The following NUP188 variants were observed in gnomAD, a reference collection of about 807,000 sequenced individuals.
NUP188 encodes nucleoporin 188.
In NUP188, 97 loss-of-function variants were observed where a neutral mutation model predicts 223.0. The ratio of observed to expected loss-of-function variants is 0.43; its 90% CI spans 0.37 to 0.51. The LOEUF (loss-of-function observed/expected upper bound fraction) is 0.51. Among genes scored for constraint, NUP188 ranks in the 20% least tolerant of loss-of-function variants. The pLI is 0.00. For missense variants in NUP188, 1,947 were observed against 2,175.6 expected (o/e 0.89, Z 2.09); for synonymous variants, 869 against 828.0 (o/e 1.05, Z -0.85).
chr9:128,993,707 C>A lies in NUP188; in HGVS notation c.3017+13C>A. 1 of 1,612,918 alleles carries A rather than the reference C, an allele frequency of 6.2e-7. No homozygotes were observed. Among genetic ancestry groups the A allele is most frequent in the Non-Finnish European group, 8.5e-7 (1 of 1,179,360 alleles). On this transcript the variant is annotated intron_variant, in intron 27 of 43. Transcript: ENST00000372577. Reference sequence around the variant, plus strand: ...TCCTCCGAACCAAGTAAGTCTGCCTCTGGGAGTAGTTTCATTGTTCTGGTC... The same window carrying A: ...TCCTCCGAACCAAGTAAGTCTGCCTATGGGAGTAGTTTCATTGTTCTGGTC...
chr9:128,969,515 G>GAATAGCCTTATT lies in NUP188; in HGVS notation c.912+1_912+2insAATAGCCTTATT. 1 of 1,523,636 alleles carries GAATAGCCTTATT rather than the reference G, an allele frequency of 6.6e-7. No individual in the cohort carries two copies. The highest frequency in any genetic ancestry group is 1.3e-5 in the South Asian group (1 of 79,968). The allele number at this position is 1,523,636 out of a possible 1,614,324, so 94.4% of individuals were successfully genotyped here. A position where few individuals can be genotyped will look rare whatever the true frequency, so the allele number is the denominator to read the frequency against. On this transcript the variant is annotated splice_donor_variant, in intron 10 of 43. Transcript: ENST00000372577. LOFTEE classifies it high-confidence loss of function. ...TGCGCAGGATGGGCTTATTTGTCAG[G>GAATAGCCTTATT]TGACTTGGAATAGCCTCTTTTTTTT...
Position 128,980,698 on chromosome 9 carries a change from G to A in NUP188, c.1362G>A (p.Leu454=). The part of the protein sequence containing the change: ...LSPLLQLLRA[L]VSGKSTAKKV... ...CACTCCTGCAACTGCTCCGAGCCCT[G>A]GTATCAGGGAAGTCCACAGCCAAAA... Residue 454 remains leucine (L), a synonymous_variant, in exon 14 of 44, where the codon CTG becomes CTA. Coordinates refer to ENST00000372577, the MANE Select transcript of NUP188 (RefSeq NM_015354.3). 2 of 1,614,036 alleles carry A rather than the reference G, an allele frequency of 1.2e-6. No individual in the cohort carries two copies. The highest frequency in any genetic ancestry group is 1.6e-4 in the Middle Eastern group (1 of 6,062).
chr9:128,985,487 A>C (rs1842320564), intron 20 of NUP188, among the ~76,000 whole-genome samples: 1 of 152,184 alleles, frequency 6.6e-6, no homozygotes, highest in Non-Finnish European at 1.5e-5. Flanking sequence ...TAATCTACTA[A>C]TGGGTTACAA....
At chr9:128,950,326 A>G (rs958333876) in intron 2 of NUP188, among the ~76,000 whole-genome samples, 4 of 151,720 alleles carry the variant, frequency 2.6e-5, no homozygotes, top group African/African-American at 9.7e-5. Flanking sequence ...GGTTCAAGTG[A>G]TTCCTGCCTT....
intron 1 of NUP188, 147 bp from the exon 2 acceptor site, chr9:128,949,042 T>C: frequency 3.4e-6 from 2 of 595,858 alleles, no homozygotes; most frequent in Non-Finnish European, 6.1e-6. Context: ...TATTATTATA[T>C]AACAAGATTA....
chr9:128,968,850 C>G (rs1306646249), intron 9 of NUP188, 133 bp downstream of exon 9: 2 of 663,358 alleles, frequency 3.0e-6, no homozygotes, highest in African/African-American at 1.8e-5. Context: ...GCCACGTTCC[C>G]TTTCATGCAG....
At chr9:128,992,111 G>A (rs902328957) in intron 25 of NUP188, among the ~76,000 whole-genome samples, 4 of 151,622 alleles carry the variant, frequency 2.6e-5, no homozygotes, top group African/African-American at 9.7e-5. Context: ...GGGTTTCACC[G>A]TGGTCTCGAT....
At chr9:128,985,314 G>A (rs1842317931) in intron 20 of NUP188, 2 of 250,402 alleles carry the variant, frequency 8.0e-6, no homozygotes, top group Non-Finnish European at 1.5e-5. Context: ...ACAGTAACCT[G>A]GGATAATATC....
At chr9:128,997,920 C>T (rs552254059) in intron 30 of NUP188, among the ~76,000 whole-genome samples, 36 of 151,960 alleles carry the variant, frequency 2.4e-4, no homozygotes, top group Non-Finnish European at 4.3e-4. Flanking sequence ...AGGGTTCCAC[C>T]GTGTTGGCCA....
chr9:129,000,297 A>C (rs1842618292), intron 34 of NUP188, among the ~76,000 whole-genome samples: 1 of 152,022 alleles, frequency 6.6e-6, no homozygotes, highest in African/African-American at 2.4e-5. Context: ...TTGTGGGATC[A>C]TGACCTATTA....
chr9:128,965,022 A>G (rs541942458), intron 8 of NUP188, among the ~76,000 whole-genome samples: 14 of 152,234 alleles, frequency 9.2e-5, no homozygotes, highest in African/African-American at 3.4e-4. Flanking sequence ...TTAAGTTTTG[A>G]TAAATGTTTT....
intron 8 of NUP188, among the ~76,000 whole-genome samples, chr9:128,963,234 C>T (rs1466353203): frequency 6.6e-6 from 1 of 151,204 alleles, no homozygotes; most frequent in East Asian, 1.9e-4. Context: ...TTCATTTATC[C>T]TGGGTAAATA....
chr9:128,994,795 A>G (rs1329285599), intron 28 of NUP188, 61 bp from the exon 29 acceptor site: 1 of 1,351,450 alleles, frequency 7.4e-7, no homozygotes, highest in Non-Finnish European at 1.1e-6. Flanking sequence ...TCCCTGTTTG[A>G]TATACTGGGG....
chr9:128,983,629 A>C, intron 19 of NUP188, 79 bp downstream of exon 19: 1 of 985,946 alleles, frequency 1.0e-6, no homozygotes. Context: ...AGGTTTATTA[A>C]TTTTATTTTT....
Position 128,998,041 on chromosome 9 carries a change from A to C in NUP188, c.3352-110A>C. 1.6e-5 allele frequency: 13 copies of C among 796,048 alleles called. No homozygotes were observed. In the South Asian group the frequency reaches 1.7e-4, roughly 10 times the overall value. 49.3% of individuals were successfully genotyped at this position (796,048 alleles called of 1,614,324 possible). On this transcript the variant is annotated intron_variant, in intron 30 of 43. Transcript: ENST00000372577. ...GCCTATATAAGCCCTATTTTAAATC[A>C]GGGAGACTGTTTTACCAATGACTAA...
chr9:129,002,420 T>C (rs1842687428), intron 36 of NUP188, among the ~76,000 whole-genome samples: 1 of 152,180 alleles, frequency 6.6e-6, no homozygotes, highest in South Asian at 2.1e-4. Flanking sequence ...GTCCCTTGGT[T>C]ATTTCTAGTT....
chr9:128,951,487 A>G (rs1841784721), intron 2 of NUP188, among the ~76,000 whole-genome samples: 1 of 152,122 alleles, frequency 6.6e-6, no homozygotes, highest in South Asian at 2.1e-4. Context: ...TCAAAAAACA[A>G]CAAAGAAAAC....
At chr9:128,997,012 A>C (rs1842538506) in intron 30 of NUP188, among the ~76,000 whole-genome samples, 1 of 152,220 alleles carries the variant, frequency 6.6e-6, no homozygotes, top group Non-Finnish European at 1.5e-5. Context: ...TTAGCAATAA[A>C]AAATATGGTT....
At chr9:128,991,091 GT>G (rs1842419121) in intron 25 of NUP188, among the ~76,000 whole-genome samples, 1 of 151,200 alleles carries the variant, frequency 6.6e-6, no homozygotes, top group African/African-American at 2.4e-5. Flanking sequence ...GTAACAGAAA[GT>G]TAAGATGCCC....
Sources: allele counts gnomAD v4.1 joint callset (sites outside exome capture counted in the v4.1 genomes callset), GRCh38; gene constraint gnomAD v4.1.1; transcripts MANE v1.5; gene names NCBI Gene and HGNC (gene_info 2026-07-23, HGNC 2026-07-21).